TSEN15: variants seen among roughly 807,000 people sequenced by gnomAD.
TSEN15 encodes the protein tRNA-splicing endonuclease subunit Sen15.
In TSEN15, 10 loss-of-function variants were observed where a neutral mutation model predicts 20.5. The observed-to-expected ratio is 0.49, with a 90% CI of 0.30 to 0.83. The LOEUF is 0.83. Among genes scored for constraint, TSEN15 ranks in the 40% least tolerant of loss-of-function variants. The probability of loss-of-function intolerance (pLI) is 0.06; values close to 1 mark genes in which losing one functional copy is unlikely to be tolerated. For synonymous variants in TSEN15, 72 were observed against 80.1 expected (o/e 0.90, Z 0.54); for missense variants, 180 against 218.6 (o/e 0.82, Z 1.11).
chr1:184,063,360 A>G (rs1650534892), intron 3 of TSEN15, among the ~76,000 whole-genome samples: 1 of 152,190 alleles, frequency 6.6e-6, no homozygotes, highest in African/African-American at 2.4e-5. Flanking sequence ...AAGAGCTTTT[A>G]AAAGTTGGTT....
At chr1:184,057,308 C>T (rs779964741) in intron 3 of TSEN15, among the ~76,000 whole-genome samples, 11 of 152,076 alleles carry the variant, frequency 7.2e-5, no homozygotes, top group Non-Finnish European at 1.5e-5. Context: ...CTGTAAACCT[C>T]TGAGAGTGGG....
chr1:184,084,984 A>G lies in TSEN15; in HGVS notation c.354-10706A>G, dbSNP rs1285856975. Among the ~76,000 whole-genome samples, 9 of 151,916 alleles carry G rather than the reference A, an allele frequency of 5.9e-5. No individual in the cohort carries two copies. The South Asian group carries it at 1.2e-3, about 21-fold the overall frequency. ...GCTGCTGCTAATGGTGATGGTGATG[A>G]TAACACTTTTTTTTTTTGGTCTCAC... is the stretch of plus-strand genomic sequence containing the variant. On this transcript the variant is annotated intron_variant, in intron 3 of 3. Coordinates refer to the TSEN15 transcript ENST00000643231.
At chr1:184,058,702 A>G (rs541625591) in intron 3 of TSEN15, among the ~76,000 whole-genome samples, 19 of 152,212 alleles carry the variant, frequency 1.2e-4, no homozygotes, top group African/African-American at 4.6e-4. Context: ...TAGCAAAGAA[A>G]TTCATTGGGA....
chr1:184,068,136 T>G (rs1025528960), intron 3 of TSEN15, among the ~76,000 whole-genome samples: 1 of 151,518 alleles, frequency 6.6e-6, no homozygotes, highest in African/African-American at 2.4e-5. Context: ...TTTTCCCTAG[T>G]GCCTTGGGAA....
chr1:184,085,535 G>A (rs1651247828), intron 3 of TSEN15, among the ~76,000 whole-genome samples: 1 of 152,234 alleles, frequency 6.6e-6, no homozygotes. Context: ...TGGGGATAGA[G>A]TGTGACAGGA....
chr1:184,067,828 C>T (rs114319246), intron 3 of TSEN15, among the ~76,000 whole-genome samples: 1,700 of 147,888 alleles, frequency 0.011, 27 homozygotes, highest in East Asian at 0.032. Context: ...CCTAGTGAGG[C>T]AAGAGAATTG....
chr1:184,055,020 G>A lies in TSEN15; in HGVS notation c.353+157G>A, dbSNP rs781381087. The A allele has an allele frequency of 1.9e-4, 152 of 786,762 alleles. 1 individual carries two copies. Among genetic ancestry groups the A allele is most frequent in the South Asian group, 3.6e-4 (15 of 42,118 alleles). The allele number at this position is 786,762 out of a possible 1,614,324, so 48.7% of individuals were successfully genotyped here. On this transcript the variant is annotated intron_variant, in intron 3 of 4. Transcript: ENST00000645668. ...TAAGTTAAATATGAGTGTTGTATTC[G>A]GCCATTCTTGCATTGCTATAAAGAA...
chr1:184,069,585 T>C (rs2102892316), intron 3 of TSEN15, among the ~76,000 whole-genome samples: 2 of 152,272 alleles, frequency 1.3e-5, no homozygotes, highest in Middle Eastern at 6.8e-3. Flanking sequence ...GATACTTAAA[T>C]GTTCTTGGGA....
In TSEN15 at chr1:184,072,289, A is replaced by G. The variant is rs1167919221; in HGVS notation, c.486A>G (p.Pro162=). 1 of 1,608,330 alleles carries G rather than the reference A, an allele frequency of 6.2e-7. No individual in the cohort carries two copies. The highest frequency in any genetic ancestry group is 8.5e-7 in the Non-Finnish European group (1 of 1,177,646). ...AACTTACTGATGGATTTATGCTGCCAGACCCTCAGGTCAGTTTTGAGGTAA... is the reference window on the plus strand; with the variant it reads ...AACTTACTGATGGATTTATGCTGCCGGACCCTCAGGTCAGTTTTGAGGTAA... ...YYKLTDGFML[P]DPQNISLRR The change falls in exon 4 of 5, where the codon CCA becomes CCG. Residue 162 remains proline, a synonymous_variant. Coordinates refer to ENST00000645668, the MANE Select transcript of TSEN15 (RefSeq NM_052965.4).
chr1:184,055,781 T>G (rs1650229920), intron 3 of TSEN15, among the ~76,000 whole-genome samples: 1 of 152,098 alleles, frequency 6.6e-6, no homozygotes, highest in East Asian at 1.9e-4. Context: ...TTGGTTTTTA[T>G]TTATTTACTT....
intron 3 of TSEN15, among the ~76,000 whole-genome samples, chr1:184,061,306 A>G (rs1165071336): frequency 6.6e-6 from 1 of 152,196 alleles, no homozygotes; most frequent in Non-Finnish European, 1.5e-5. Flanking sequence ...CTGCTTGAAT[A>G]TAGTGCTTTA....
intron 3 of TSEN15, among the ~76,000 whole-genome samples, chr1:184,080,300 C>T (rs1371381590): frequency 7.2e-5 from 11 of 152,144 alleles, no homozygotes. Flanking sequence ...AACTTTTTAT[C>T]CTCATAAGAT....
chr1:184,073,941 T>C lies in TSEN15; in HGVS notation c.*1094T>C, dbSNP rs913296591. 2.6e-5 allele frequency: 4 copies of C among 152,102 alleles called. No homozygotes were observed. Among genetic ancestry groups the C allele is most frequent in the African/African-American group, 9.7e-5 (4 of 41,412 alleles). 9.4% of individuals were successfully genotyped at this position (152,102 alleles called of 1,614,324 possible). A position where few individuals can be genotyped will look rare whatever the true frequency, so the allele number is the denominator to read the frequency against. On this transcript the variant is annotated 3_prime_UTR_variant, in exon 5 of 5. Coordinates refer to ENST00000645668, the MANE Select transcript of TSEN15 (RefSeq NM_052965.4). Reference sequence around the variant, plus strand: ...AGGAAATAGTCAATAAACAGATATATACAAATGATACATAATGTACTTATT... The same window carrying C: ...AGGAAATAGTCAATAAACAGATATACACAAATGATACATAATGTACTTATT...
intron 3 of TSEN15, among the ~76,000 whole-genome samples, chr1:184,087,496 G>A (rs1296285573): frequency 6.6e-6 from 1 of 152,194 alleles, no homozygotes; most frequent in Non-Finnish European, 1.5e-5. Context: ...GCCCAGTAAA[G>A]GGTTTAAGCT....
intron 3 of TSEN15, among the ~76,000 whole-genome samples, chr1:184,066,197 G>A (rs1409538511): frequency 6.6e-6 from 1 of 151,398 alleles, no homozygotes; most frequent in East Asian, 1.9e-4. Flanking sequence ...TTTTCCAGGT[G>A]AATATCCAGT....
downstream of TSEN15, among the ~76,000 whole-genome samples, chr1:184,077,986 A>G (rs1651096476): frequency 6.6e-6 from 1 of 152,214 alleles, no homozygotes; most frequent in African/African-American, 2.4e-5. Context: ...AGAGTTTGAG[A>G]AGATTGATTC....
intron 3 of TSEN15, among the ~76,000 whole-genome samples, chr1:184,087,217 A>G (rs890620174): frequency 2.0e-5 from 3 of 152,246 alleles, no homozygotes; most frequent in African/African-American, 7.2e-5. Flanking sequence ...TTTTAATAAT[A>G]TGCTTTTAGC....
intron 3 of TSEN15, among the ~76,000 whole-genome samples, chr1:184,082,700 GTT>G (rs1281250148): frequency 6.6e-6 from 1 of 152,048 alleles, no homozygotes; most frequent in Non-Finnish European, 1.5e-5. Context: ...TCCCCAACAG[GTT>G]TTTTCCCCTA....
At chr1:184,082,006 T>G (rs1651178711) in intron 3 of TSEN15, among the ~76,000 whole-genome samples, 1 of 152,330 alleles carries the variant, frequency 6.6e-6, no homozygotes, top group East Asian at 1.9e-4. Context: ...AGTGGAACTC[T>G]GCGAGAATAT....
Sources: gnomAD v4.1 joint callset for allele counts (sites outside exome capture counted in the v4.1 genomes callset) on GRCh38, gnomAD v4.1.1 for gene constraint, MANE v1.5 for transcripts, NCBI Gene and HGNC (gene_info 2026-07-23, HGNC 2026-07-21) for gene names.